Variants in ZBTB20 observed in about 807,000 individuals in gnomAD.
ZBTB20 encodes the protein zinc finger and BTB domain containing 20.
In ZBTB20, 9 loss-of-function variants were observed where a neutral mutation model predicts 56.9. The observed-to-expected ratio is 0.16, with a 90% confidence interval of 0.10 to 0.28. ZBTB20 has a LOEUF of 0.28. Among genes scored for constraint, ZBTB20 ranks in the 10% least tolerant of loss-of-function variants. ZBTB20 has a pLI of 1.00. For synonymous variants in ZBTB20, 417 were observed against 420.7 expected, an observed-to-expected ratio of 0.99 and a Z score of 0.11; for missense variants, 655 against 1,003.0, an observed-to-expected ratio of 0.65 and a Z score of 4.69.
intron 1 of ZBTB20, among the ~76,000 whole-genome samples, chr3:115,078,571 T>A (rs1310420284): frequency 6.7e-6 from 1 of 149,586 alleles, no homozygotes; most frequent in Non-Finnish European, 1.5e-5. Flanking sequence ...AGTCTAAGTA[T>A]AGAACAACAT....
At chr3:114,882,199 T>G (rs1049880109) in intron 4 of ZBTB20, among the ~76,000 whole-genome samples, 5 of 152,088 alleles carry the variant, frequency 3.3e-5, no homozygotes, top group Admixed American at 3.3e-4. Context: ...CAGTGAAATT[T>G]TAATATGTTG....
At chr3:114,674,730 T>G (rs1329143880) in intron 6 of ZBTB20, among the ~76,000 whole-genome samples, 1 of 152,186 alleles carries the variant, frequency 6.6e-6, no homozygotes, top group African/African-American at 2.4e-5. Context: ...TGATTTTCTT[T>G]GCATGAAGTA....
chr3:115,011,248 A>G (rs2079694102), intron 2 of ZBTB20, among the ~76,000 whole-genome samples: 1 of 152,098 alleles, frequency 6.6e-6, no homozygotes, highest in Non-Finnish European at 1.5e-5. Context: ...CGAAGGAATA[A>G]TAACAGAGAA....
intron 1 of ZBTB20, among the ~76,000 whole-genome samples, chr3:115,086,872 G>A (rs2083005386): frequency 6.6e-6 from 1 of 151,682 alleles, no homozygotes; most frequent in Admixed American, 6.6e-5. Flanking sequence ...AAATTGTTTG[G>A]TATCTAGAAC....
intron 7 of ZBTB20, among the ~76,000 whole-genome samples, chr3:114,391,347 A>G (rs1263756570): frequency 6.6e-6 from 1 of 152,166 alleles, no homozygotes; most frequent in East Asian, 1.9e-4. Flanking sequence ...TCTACACTCC[A>G]TTCTACGCTC....
intron 1 of ZBTB20, among the ~76,000 whole-genome samples, chr3:115,146,006 T>C (rs1488204986): frequency 6.6e-6 from 1 of 152,158 alleles, no homozygotes; most frequent in Non-Finnish European, 1.5e-5. Flanking sequence ...TTTGGTATTT[T>C]TAATAGAAAA....
chr3:114,381,567 A>G lies in ZBTB20; in HGVS notation c.-153-627T>C, dbSNP rs144390839. 4.2e-3 allele frequency among the ~76,000 whole-genome samples: 644 copies of G among 152,352 alleles called. 2 individuals carry two copies. The highest frequency in any genetic ancestry group is 0.027 in the Middle Eastern group (8 of 294). Reference sequence around the variant, plus strand: ...TCTATCATTATGTGGACATGACCAGAAAAAGCATTTATTTTATTTGTAGAA... The same window carrying G: ...TCTATCATTATGTGGACATGACCAGGAAAAGCATTTATTTTATTTGTAGAA... On this transcript the variant is annotated intron_variant, in intron 8 of 11. Transcript: ENST00000675478.
intron 5 of ZBTB20, among the ~76,000 whole-genome samples, chr3:114,745,702 G>A (rs536018725): frequency 6.6e-6 from 1 of 152,248 alleles, no homozygotes; most frequent in South Asian, 2.1e-4. Context: ...GAAACTCAGA[G>A]AGAGCAAATG....
At chr3:114,992,426 A>G (rs2078855181) in intron 2 of ZBTB20, among the ~76,000 whole-genome samples, 1 of 152,024 alleles carries the variant, frequency 6.6e-6, no homozygotes, top group South Asian at 2.1e-4. Flanking sequence ...CTTTCTTTTC[A>G]TATAAAGAGA....
chr3:114,942,189 T>G (rs2076743377), intron 3 of ZBTB20, among the ~76,000 whole-genome samples: 1 of 145,756 alleles, frequency 6.9e-6, no homozygotes, highest in South Asian at 2.1e-4. Context: ...TTATTTGGAT[T>G]CTCAGAATGC....
intron 7 of ZBTB20, among the ~76,000 whole-genome samples, chr3:114,475,650 G>A (rs564167786): frequency 5.9e-5 from 9 of 152,168 alleles, no homozygotes; most frequent in East Asian, 5.8e-4. Flanking sequence ...TAAAAACTAC[G>A]AAAAGAAGGC....
chr3:114,844,472 GATCA>G (rs2074560460), intron 4 of ZBTB20, among the ~76,000 whole-genome samples: 1 of 105,724 alleles, frequency 9.5e-6, no homozygotes, highest in Admixed American at 1.5e-4. Context: ...AGTGAGCTAT[GATCA>G]TGCCACTGCA....
chr3:114,751,657 C>T (rs970201046), intron 5 of ZBTB20, among the ~76,000 whole-genome samples: 5 of 152,032 alleles, frequency 3.3e-5, no homozygotes, highest in South Asian at 2.1e-4. Context: ...AACATAAGAG[C>T]GTTGGATTTA....
intron 7 of ZBTB20, among the ~76,000 whole-genome samples, chr3:114,436,546 T>C (rs141906325): frequency 1.3e-3 from 199 of 152,330 alleles, no homozygotes; most frequent in African/African-American, 4.4e-3. Flanking sequence ...TAAATTTGTT[T>C]ATAGTACTCT....
rs540517513 is a variant in ZBTB20 at position 115,004,698 on chromosome 3, A to C, written c.-506-30282T>G. On this transcript the variant is annotated intron_variant, in intron 2 of 11. Transcript: ENST00000675478. ...CAGTTTTTTCTTTTGCTCTATATTAAAGGGCATAATATTTCTTTAACTGAG... is the reference window on the plus strand; with the variant it reads ...CAGTTTTTTCTTTTGCTCTATATTACAGGGCATAATATTTCTTTAACTGAG... 2.0e-5 allele frequency among the ~76,000 whole-genome samples: 3 copies of C among 151,828 alleles called. No homozygotes were observed. The East Asian group carries it at 5.9e-4, about 30-fold the overall frequency.
chr3:114,347,646 A>C (rs1213459063), intron 11 of ZBTB20, among the ~76,000 whole-genome samples: 1 of 152,218 alleles, frequency 6.6e-6, no homozygotes, highest in Non-Finnish European at 1.5e-5. Context: ...GCTTTTTGAA[A>C]TCTAGACCAA....
intron 7 of ZBTB20, among the ~76,000 whole-genome samples, chr3:114,491,043 T>A (rs2042698036): frequency 6.6e-6 from 1 of 152,192 alleles, no homozygotes; most frequent in South Asian, 2.1e-4. Context: ...ATAGATGGTG[T>A]CTTACTCACC....
At chr3:114,717,737 A>G (rs754219421) in intron 5 of ZBTB20, among the ~76,000 whole-genome samples, 84 of 152,112 alleles carry the variant, frequency 5.5e-4, no homozygotes, top group Non-Finnish European at 1.2e-3. Flanking sequence ...TCTTTTCTTA[A>G]TCTATTCCAA....
At chr3:114,490,465 C>T (rs777380526) in intron 7 of ZBTB20, among the ~76,000 whole-genome samples, 1 of 152,130 alleles carries the variant, frequency 6.6e-6, no homozygotes, top group Non-Finnish European at 1.5e-5. Context: ...TCGTGATCTG[C>T]CTGCCTCGGC....
Sources: gnomAD v4.1 joint callset for allele counts (sites outside exome capture counted in the v4.1 genomes callset) on GRCh38, gnomAD v4.1.1 for gene constraint, MANE v1.5 for transcripts, NCBI Gene and HGNC (gene_info 2026-07-23, HGNC 2026-07-21) for gene names.